Variants in SDR16C5 observed in about 807,000 individuals in gnomAD.
The protein encoded by SDR16C5 is short chain dehydrogenase/reductase family 16C member 5.
A neutral mutation model predicts 27.7 loss-of-function variants in SDR16C5; 20 were observed. The observed-to-expected ratio is 0.72, with a 90% CI of 0.51 to 1.05. SDR16C5 has a LOEUF of 1.05. Among genes scored for constraint, SDR16C5 ranks in the 50% least tolerant of loss-of-function variants. The pLI, the probability that SDR16C5 is intolerant of heterozygous loss-of-function variation, is 0.00. For synonymous variants in SDR16C5, 139 were observed against 132.3 expected (o/e 1.05, Z -0.35); for missense variants, 374 against 366.3 (o/e 1.02, Z -0.17).
At chr8:56,318,012 T>C (rs1187928686) in intron 1 of SDR16C5, among the ~76,000 whole-genome samples, 2 of 152,250 alleles carry the variant, frequency 1.3e-5, no homozygotes, top group African/African-American at 2.4e-5. Context: ...CAGTGTGCTA[T>C]GGAGAGGATG....
chr8:56,310,194 AGGAAGGAGG>A (rs1314030334), intron 3 of SDR16C5, among the ~76,000 whole-genome samples: 7 of 21,528 alleles, frequency 3.3e-4, no homozygotes, highest in Non-Finnish European at 5.9e-4. Flanking sequence ...AAGGAGGAGG[AGGAAGGAGG>A]AGGAGGAGGA....
chr8:56,309,317 G>T (rs941210431), intron 3 of SDR16C5: 1 of 985,166 alleles, frequency 1.0e-6, no homozygotes, highest in African/African-American at 1.7e-5. Flanking sequence ...AATTGAAGGA[G>T]TAAATCTTTG....
Position 56,305,636 on chromosome 8 carries a change from T to C in SDR16C5, c.797A>G (p.Tyr266Cys), listed in dbSNP as rs1386183139. 2.5e-6 allele frequency: 4 copies of C among 1,597,986 alleles called. No individual in the cohort carries two copies. The highest frequency in any genetic ancestry group is 1.3e-5 in the African/African-American group (1 of 74,138). Residue 266 changes from tyrosine to cysteine, a missense_variant, in exon 6 of 7, where the codon TAT (tyrosine) becomes TGT (cysteine). Coordinates refer to ENST00000303749, the MANE Select transcript of SDR16C5 (RefSeq NM_138969.4). Reference protein sequence around the residue: ...EAILQEKMYLYMPKLLYFMMF... With the variant: ...EAILQEKMYLCMPKLLYFMMF... ...CATGAAGTATAACAACTTTGGCATATACAAGTACATTTTTTCTTGTAGAAT... is the reference window on the plus strand; with the variant it reads ...CATGAAGTATAACAACTTTGGCATACACAAGTACATTTTTTCTTGTAGAAT...
chr8:56,305,331 T>C (rs377036574), intron 6 of SDR16C5, among the ~76,000 whole-genome samples: 4 of 152,306 alleles, frequency 2.6e-5, no homozygotes, highest in African/African-American at 9.6e-5. Context: ...CATCTATCAG[T>C]ACATCCACTT....
intron 4 of SDR16C5, among the ~76,000 whole-genome samples, chr8:56,308,708 A>G (rs988469997): frequency 1.4e-5 from 2 of 146,246 alleles, no homozygotes; most frequent in African/African-American, 4.9e-5. Context: ...AGGGTACTGC[A>G]TAAGACCTAA....
In SDR16C5 at chr8:56,308,967, A is replaced by C. The variant is rs1814955238; in HGVS notation, c.526T>G (p.Ser176Ala). The C allele has an allele frequency of 1.2e-6, 2 of 1,613,176 alleles. No homozygotes were observed. Among genetic ancestry groups the C allele is most frequent in the Admixed American group, 3.3e-5 (2 of 59,884 alleles). ...ACTCCACTTAATCCAGCTGAACTTG[A>C]AATGCAAACCAAATGTCCATGGTCA... is the stretch of plus-strand genomic sequence containing the variant. Reference protein sequence around the residue: ...ANDHGHLVCISSSAGLSGVNG... With the variant: ...ANDHGHLVCIASSAGLSGVNG... The change falls in exon 4 of 7, where the codon TCA becomes GCA. Residue 176 changes from serine (S) to alanine (A), a missense_variant. Ser to Ala is a moderately conservative substitution (Grantham distance 99, BLOSUM62 1). Transcript: ENST00000303749.
intron 6 of SDR16C5, among the ~76,000 whole-genome samples, chr8:56,304,961 G>A (rs1814845983): frequency 6.6e-6 from 1 of 152,114 alleles, no homozygotes; most frequent in South Asian, 2.1e-4. Flanking sequence ...TTGGAGAGAT[G>A]GGGTCTTCCT....
intron 2 of SDR16C5, 147 bp from the exon 3 acceptor site, chr8:56,312,435 T>G (rs1815069873): frequency 1.4e-6 from 1 of 701,176 alleles, no homozygotes; most frequent in Admixed American, 2.6e-5. Context: ...CCAGGCGCAG[T>G]GGCTCACACC....
At chr8:56,311,584 AG>A (rs1815046050) in intron 3 of SDR16C5, among the ~76,000 whole-genome samples, 1 of 152,202 alleles carries the variant, frequency 6.6e-6, no homozygotes, top group African/African-American at 2.4e-5. Context: ...TTTAGAAGTC[AG>A]GACTGTGCTT....
rs1814890265 is a variant in SDR16C5, at chr8:56,306,668, ATACT to A, written c.710+4_710+7del. The stretch of plus-strand genomic sequence containing the variant: ...TGTAGATTCTTTGAAATTAAAGGAC[ATACT>A]TACCCTGTAGTACAACCTTCAAACA... On this transcript the variant is annotated splice_donor_5th_base_variant and intron_variant, in intron 5 of 6. Transcript: ENST00000303749. 6.3e-7 allele frequency: 1 copy of A among 1,579,148 alleles called. No individual in the cohort carries two copies. The highest frequency in any genetic ancestry group is 8.6e-7 in the Non-Finnish European group (1 of 1,166,940).
chr8:56,306,238 T>C (rs1022839236), intron 5 of SDR16C5, among the ~76,000 whole-genome samples: 1 of 152,224 alleles, frequency 6.6e-6, no homozygotes, highest in Admixed American at 6.5e-5. Flanking sequence ...CACTTTGATC[T>C]TGGACTTCTA....
rs1815299817 is a variant in SDR16C5 at position 56,320,039 on chromosome 8, C to T, written c.-15+20G>A. 6.6e-6 allele frequency: 1 copy of T among 152,554 alleles called. No homozygotes were observed. The highest frequency in any genetic ancestry group is 1.5e-5 in the Non-Finnish European group (1 of 68,344). The allele number at this position is 152,554 out of a possible 1,614,324, so 9.5% of individuals were successfully genotyped here. ...TCCTCCGGGAGCCAGCACCCAGGACCGACGACCTCGGCAACTTACCCAGGA... is the reference window on the plus strand; with the variant it reads ...TCCTCCGGGAGCCAGCACCCAGGACTGACGACCTCGGCAACTTACCCAGGA... On this transcript the variant is annotated intron_variant, in intron 1 of 6. Transcript: ENST00000303749.
intron 3 of SDR16C5, chr8:56,309,247 T>C (rs1191295671): frequency 1.9e-5 from 17 of 905,166 alleles, no homozygotes; most frequent in Non-Finnish European, 2.1e-5. Flanking sequence ...ATTAAAATAA[T>C]TTATTCAGAC....
intron 6 of SDR16C5, among the ~76,000 whole-genome samples, chr8:56,302,892 G>A (rs1424949564): frequency 6.6e-6 from 1 of 152,118 alleles, no homozygotes; most frequent in Non-Finnish European, 1.5e-5. Context: ...TGAGGTGGGA[G>A]GATGGCTTGA....
Position 56,316,089 on chromosome 8 carries a change from C to T in SDR16C5, c.259G>A (p.Ala87Thr), listed in dbSNP as rs1815187657. Reference sequence around the variant, plus strand: ...TAGGCGTGCACTCTTGTGGCTCCAGCTTCCCGAGCCATCTTACATGTTTCC... The same window carrying T: ...TAGGCGTGCACTCTTGTGGCTCCAGTTTCCCGAGCCATCTTACATGTTTCC... ...NEETCKMARE[A>T]GATRVHAYTC... is the part of the protein sequence containing the mutation. Residue 87 changes from alanine to threonine, a missense_variant, in exon 2 of 7, where the codon GCT becomes ACT. Coordinates refer to ENST00000303749, the MANE Select transcript of SDR16C5 (RefSeq NM_138969.4). 2 of 1,614,148 alleles carry T rather than the reference C, an allele frequency of 1.2e-6. No homozygotes were observed. The highest frequency in any genetic ancestry group is 1.7e-6 in the Non-Finnish European group (2 of 1,179,998).
In SDR16C5 at chr8:56,312,347, AT is replaced by A. The variant is rs1815066685; in HGVS notation, c.334-60del. 5 of 1,464,132 alleles carry A rather than the reference AT, an allele frequency of 3.4e-6. No individual in the cohort carries two copies. In the East Asian group the frequency reaches 9.1e-5, roughly 27 times the overall value. The allele number at this position is 1,464,132 out of a possible 1,614,324, so 90.7% of individuals were successfully genotyped here. The stretch of plus-strand genomic sequence containing the variant: ...TAATTCCTTACATGGGCTAGGTTTT[AT>A]TTTCCCAGAGTTTTATGTTTTTTTT... On this transcript the variant is annotated intron_variant, in intron 2 of 6. Coordinates refer to ENST00000303749, the MANE Select transcript of SDR16C5 (RefSeq NM_138969.4).
intron 6 of SDR16C5, among the ~76,000 whole-genome samples, chr8:56,303,330 G>GA (rs1180255006): frequency 4.3e-5 from 6 of 140,728 alleles, no homozygotes; most frequent in Non-Finnish European, 6.2e-5. Flanking sequence ...AAAAAAAAAA[G>GA]AAAAAAAAAA....
At chr8:56,304,273 A>G (rs968798040) in intron 6 of SDR16C5, among the ~76,000 whole-genome samples, 6 of 152,236 alleles carry the variant, frequency 3.9e-5, no homozygotes, top group Admixed American at 6.5e-5. Context: ...GGAATTGCAC[A>G]TGGAGCTGGG....
chr8:56,305,484 T>C (rs1814857820), intron 6 of SDR16C5, 113 bp downstream of exon 6: 1 of 968,076 alleles, frequency 1.0e-6, no homozygotes, highest in Non-Finnish European at 1.5e-6. Flanking sequence ...TTAATAGAAT[T>C]AAATTAATGA....
Sources: allele counts gnomAD v4.1 joint callset (sites outside exome capture counted in the v4.1 genomes callset), GRCh38; gene constraint gnomAD v4.1.1; transcripts MANE v1.5; gene names NCBI Gene and HGNC (gene_info 2026-07-23, HGNC 2026-07-21).